The following PTPRG variants were observed in gnomAD, a reference collection of about 807,000 sequenced individuals.
PTPRG encodes the protein receptor-type tyrosine-protein phosphatase gamma.
A neutral mutation model predicts 165.3 loss-of-function variants in PTPRG; 102 were observed. The observed-to-expected ratio is 0.62, with a 90% CI of 0.53 to 0.73. The LOEUF is 0.73. PTPRG is among the 30% of genes least tolerant of loss of function. The pLI is 0.00. For synonymous variants in PTPRG, 675 were observed against 669.5 expected, an observed-to-expected ratio of 1.01 and a Z score of -0.13; for missense variants, 1,866 against 1,861.4, an observed-to-expected ratio of 1.00 and a Z score of -0.05.
chr3:61,923,194 C>G (rs2039121726), intron 2 of PTPRG, among the ~76,000 whole-genome samples: 1 of 152,156 alleles, frequency 6.6e-6, no homozygotes, highest in Non-Finnish European at 1.5e-5. Context: ...AGCCCATTAA[C>G]TATTGTGTCT....
chr3:61,646,240 G>A (rs1226688229), intron 1 of PTPRG, among the ~76,000 whole-genome samples: 1 of 152,006 alleles, frequency 6.6e-6, no homozygotes, highest in Non-Finnish European at 1.5e-5. Flanking sequence ...AGAGTAGCTG[G>A]GACCATGGGT....
At position 62,273,965 on chromosome 3, in the gene PTPRG, C is replaced by CA; in HGVS notation, c.3465+121_3465+122insA. 3.2e-6 allele frequency: 3 copies of CA among 936,856 alleles called. No individual in the cohort carries two copies. The highest frequency in any genetic ancestry group is 4.8e-6 in the Non-Finnish European group (3 of 630,340). The allele number at this position is 936,856 out of a possible 1,614,324, so 58.0% of individuals were successfully genotyped here. Reference sequence around the variant, plus strand: ...CCGAAATGGATTACTATTTGTACTCCTTGTACTCCTTAAATGTGATGAAAA... The same window carrying CA: ...CCGAAATGGATTACTATTTGTACTCCATTGTACTCCTTAAATGTGATGAAAA... On this transcript the variant is annotated intron_variant, in intron 23 of 29. Coordinates refer to ENST00000474889, the MANE Select transcript of PTPRG (RefSeq NM_002841.4). The surrounding 1 kb of genome is among the most constrained non-coding windows in gnomAD (Gnocchi z 4.1).
At chr3:61,866,844 G>T (rs951570241) in intron 2 of PTPRG, among the ~76,000 whole-genome samples, 1 of 151,990 alleles carries the variant, frequency 6.6e-6, no homozygotes, top group Non-Finnish European at 1.5e-5. Context: ...TGATCCATCC[G>T]CCTTGGCCTG....
intron 1 of PTPRG, among the ~76,000 whole-genome samples, chr3:61,587,179 A>G (rs1271052636): frequency 6.6e-6 from 1 of 152,258 alleles, no homozygotes; most frequent in Non-Finnish European, 1.5e-5. Context: ...GAAAGCAAAC[A>G]GGCATGCTGT....
At position 62,294,484 on chromosome 3, in the gene PTPRG, C is replaced by A. The variant is rs1702999756; in HGVS notation, c.*1177C>A. Reference sequence around the variant, plus strand: ...AATATTTAATTAAAGGTGATACCCACATTTTCAAGTTTTTAAAAGAGGGAG... The same window carrying A: ...AATATTTAATTAAAGGTGATACCCAAATTTTCAAGTTTTTAAAAGAGGGAG... On this transcript the variant is annotated 3_prime_UTR_variant, in exon 30 of 30. Coordinates refer to ENST00000474889, the MANE Select transcript of PTPRG (RefSeq NM_002841.4). 6.6e-6 allele frequency: 1 copy of A among 152,108 alleles called. No individual in the cohort carries two copies. The highest frequency in any genetic ancestry group is 6.6e-5 in the Admixed American group (1 of 15,254). 9.4% of individuals were successfully genotyped at this position (152,108 alleles called of 1,614,324 possible). A position where few individuals can be genotyped will look rare whatever the true frequency, so the allele number is the denominator to read the frequency against.
At chr3:62,145,175 G>A (rs1187615280) in intron 6 of PTPRG, among the ~76,000 whole-genome samples, 1 of 152,116 alleles carries the variant, frequency 6.6e-6, no homozygotes, top group African/African-American at 2.4e-5. Context: ...ATCCAGTTCT[G>A]CCTTTGACTA....
intron 2 of PTPRG, among the ~76,000 whole-genome samples, chr3:61,982,479 AC>A (rs1223415891): frequency 6.6e-6 from 1 of 152,138 alleles, no homozygotes; most frequent in African/African-American, 2.4e-5. Flanking sequence ...TAGGTCAAAG[AC>A]TTTTAAGTCT....
At chr3:61,900,583 A>G (rs1421249758) in intron 2 of PTPRG, among the ~76,000 whole-genome samples, 2 of 152,174 alleles carry the variant, frequency 1.3e-5, no homozygotes, top group Non-Finnish European at 2.9e-5. Context: ...GCTGCAGTGC[A>G]GCTCCCAAAC....
rs1559670218 is a variant in PTPRG, at chr3:61,887,156, ATATATATATATATATT to A, written c.191-102467_191-102452del. 1.4e-4 allele frequency among the ~76,000 whole-genome samples: 7 copies of A among 51,068 alleles called. 1 individual carries two copies. Among genetic ancestry groups the A allele is most frequent in the African/African-American group, 2.7e-4 (6 of 22,008 alleles). The allele number at this position is 51,068 out of a possible 152,430, so 33.5% of individuals were successfully genotyped here. A position where few individuals can be genotyped will look rare whatever the true frequency, so the allele number is the denominator to read the frequency against. On this transcript the variant is annotated intron_variant, in intron 2 of 29. Transcript: ENST00000474889. ...TATATATATATATATATATATATAT[ATATATATATATATATT>A]TTTAATGCCATCATCAAACACTCAT... is the stretch of plus-strand genomic sequence containing the variant.
rs143977068 is a variant in PTPRG at position 62,097,427 on chromosome 3, G to A, written c.615+19169G>A. Reference sequence around the variant, plus strand: ...AAGGACTGTGGTCTGACATTTTCACGTAAAATAAACTAACACTCATAAGTA... The same window carrying A: ...AAGGACTGTGGTCTGACATTTTCACATAAAATAAACTAACACTCATAAGTA... On this transcript the variant is annotated intron_variant, in intron 5 of 29. Coordinates refer to ENST00000474889, the MANE Select transcript of PTPRG (RefSeq NM_002841.4). Among the ~76,000 whole-genome samples, 14 of 152,070 alleles carry A rather than the reference G, an allele frequency of 9.2e-5. No individual in the cohort carries two copies. The East Asian group carries it at 1.7e-3, about 19-fold the overall frequency.
chr3:61,710,039 AG>A (rs1233484305), intron 1 of PTPRG, among the ~76,000 whole-genome samples: 2 of 152,186 alleles, frequency 1.3e-5, no homozygotes, highest in Non-Finnish European at 2.9e-5. Context: ...GTGTTTGCCA[AG>A]TTACTGTGAG....
intron 2 of PTPRG, among the ~76,000 whole-genome samples, chr3:61,872,667 G>A (rs1000892303): frequency 2.0e-5 from 3 of 152,100 alleles, no homozygotes; most frequent in Non-Finnish European, 4.4e-5. Context: ...AAGGGTTTCA[G>A]TTCTGTTTTA....
At chr3:61,847,418 C>T (rs971576167) in intron 2 of PTPRG, among the ~76,000 whole-genome samples, 2 of 152,188 alleles carry the variant, frequency 1.3e-5, no homozygotes, top group Admixed American at 6.5e-5. Flanking sequence ...TGATCTTGGA[C>T]TTCTGCCCTC....
intron 5 of PTPRG, among the ~76,000 whole-genome samples, chr3:62,093,065 C>T (rs1233644920): frequency 1.3e-5 from 2 of 152,182 alleles, no homozygotes; most frequent in Non-Finnish European, 2.9e-5. Context: ...GCTCAGGTTC[C>T]ACCCCTGGGA....
chr3:61,989,507 A>G, intron 2 of PTPRG, 118 bp from the exon 3 acceptor site: 1 of 945,074 alleles, frequency 1.1e-6, no homozygotes, highest in Non-Finnish European at 1.6e-6. Flanking sequence ...TTTTCAGTAC[A>G]TTCACCTCTT....
At chr3:61,762,385 G>T (rs1399451243) in intron 2 of PTPRG, among the ~76,000 whole-genome samples, 1 of 152,132 alleles carries the variant, frequency 6.6e-6, no homozygotes, top group Admixed American at 6.5e-5. Context: ...GCTGAGGCGG[G>T]TGGATCACCT....
chr3:61,946,752 T>G (rs2039768621), intron 2 of PTPRG, among the ~76,000 whole-genome samples: 1 of 152,250 alleles, frequency 6.6e-6, no homozygotes, highest in South Asian at 2.1e-4. Context: ...TTGCAGAAAT[T>G]TGAAGACATC....
intron 1 of PTPRG, among the ~76,000 whole-genome samples, chr3:61,627,027 A>G (rs1203333775): frequency 6.6e-6 from 1 of 152,242 alleles, no homozygotes; most frequent in Admixed American, 6.5e-5. Flanking sequence ...CCTTTGGATT[A>G]AAAGAGACTT....
intron 1 of PTPRG, among the ~76,000 whole-genome samples, chr3:61,662,541 A>G (rs1470252922): frequency 6.6e-6 from 1 of 152,252 alleles, no homozygotes; most frequent in Non-Finnish European, 1.5e-5. Context: ...CACAGAGCCT[A>G]TGAGATGATA....
Sources: allele counts gnomAD v4.1 joint callset (sites outside exome capture counted in the v4.1 genomes callset), GRCh38; gene constraint gnomAD v4.1.1; non-coding constraint Gnocchi (gnomAD v3.1); transcripts MANE v1.5; gene names NCBI Gene and HGNC (gene_info 2026-07-23, HGNC 2026-07-21).